CFAP299: variants seen among roughly 807,000 people sequenced by gnomAD.
CFAP299 encodes the protein cilia- and flagella-associated protein 299.
Under a neutral mutation model 27.0 loss-of-function variants are expected in CFAP299, and 21 were observed. The ratio of observed to expected loss-of-function variants is 0.78; its 90% CI spans 0.55 to 1.12. The LOEUF (loss-of-function observed/expected upper bound fraction) is 1.12. Ranked by LOEUF, CFAP299 falls within the 50% of genes most tolerant of loss-of-function variation. The pLI is 0.00. For synonymous variants in CFAP299, 104 were observed against 98.1 expected (o/e 1.06, Z -0.36); for missense variants, 310 against 276.6 (o/e 1.12, Z -0.86).
chr4:80,670,572 C>T (rs559037524), intron 3 of CFAP299, among the ~76,000 whole-genome samples: 1 of 152,146 alleles, frequency 6.6e-6, no homozygotes, highest in Admixed American at 6.5e-5. Flanking sequence ...ATGCTGTCTT[C>T]CACAATGGTT....
intron 2 of CFAP299, among the ~76,000 whole-genome samples, chr4:80,558,603 A>G (rs1396229554): frequency 4.0e-5 from 6 of 151,862 alleles, no homozygotes; most frequent in Admixed American, 3.9e-4. Context: ...CGTCAGGCAG[A>G]GATGATTTCA....
chr4:80,710,762 T>G (rs1722114130), intron 3 of CFAP299, among the ~76,000 whole-genome samples: 1 of 152,090 alleles, frequency 6.6e-6, no homozygotes, highest in African/African-American at 2.4e-5. Flanking sequence ...TTCTACTTTT[T>G]TTTACTCACT....
At chr4:80,450,917 G>C (rs1728872729) in intron 2 of CFAP299, among the ~76,000 whole-genome samples, 1 of 151,638 alleles carries the variant, frequency 6.6e-6, no homozygotes, top group African/African-American at 2.4e-5. Context: ...GTGTGAGAGA[G>C]AGAGAGAGAG....
intron 3 of CFAP299, among the ~76,000 whole-genome samples, chr4:80,782,618 A>AT (rs930565314): frequency 4.7e-5 from 5 of 105,712 alleles, no homozygotes; most frequent in African/African-American, 6.8e-5. Context: ...ATATTAATAT[A>AT]TAATATATTC....
intron 4 of CFAP299, among the ~76,000 whole-genome samples, chr4:80,900,003 A>G (rs1196841895): frequency 3.9e-5 from 6 of 152,128 alleles, no homozygotes; most frequent in Admixed American, 2.0e-4. Context: ...GGTGGTGGTA[A>G]CGGGTCAGAG....
In CFAP299 at chr4:80,374,670, C is replaced by G. The variant is rs968136668; in HGVS notation, c.242+11786C>G. Among the ~76,000 whole-genome samples the G allele has an allele frequency of 2.0e-5, 3 of 152,170 alleles. No individual in the cohort carries two copies. The East Asian group carries it at 5.8e-4, about 29-fold the overall frequency. On this transcript the variant is annotated intron_variant, in intron 2 of 5. Transcript: ENST00000358105. The stretch of plus-strand genomic sequence containing the variant: ...CTTGCCCCTGCTGAACATTTGACTG[C>G]CTTTGGAACTCATTCACTGTGACTG...
chr4:80,870,794 T>G, intron 4 of CFAP299: 1 of 985,234 alleles, frequency 1.0e-6, no homozygotes, highest in South Asian at 4.7e-5. Flanking sequence ...TCCACTGCTG[T>G]ATTCAGATCA....
intron 2 of CFAP299, among the ~76,000 whole-genome samples, chr4:80,365,861 A>G (rs1400352082): frequency 1.3e-5 from 2 of 152,240 alleles, no homozygotes. Flanking sequence ...TTTGTGTTTG[A>G]GGATCAAAGT....
intron 2 of CFAP299, among the ~76,000 whole-genome samples, chr4:80,577,243 G>C (rs71596016): frequency 0.12 from 18,544 of 152,120 alleles, 1,355 homozygotes; most frequent in South Asian, 0.23. Flanking sequence ...CTTCCTATTA[G>C]AGTTTATTTG....
intron 3 of CFAP299, among the ~76,000 whole-genome samples, chr4:80,615,273 G>T (rs1577935349): frequency 6.6e-6 from 1 of 152,040 alleles, no homozygotes; most frequent in African/African-American, 2.4e-5. Context: ...AGAAATCGCC[G>T]GCTATCTACT....
At chr4:80,760,362 G>A (rs1293224575) in intron 3 of CFAP299, among the ~76,000 whole-genome samples, 1 of 152,144 alleles carries the variant, frequency 6.6e-6, no homozygotes, top group Non-Finnish European at 1.5e-5. Context: ...AGGAAGAAGA[G>A]CTGGGCACAG....
intron 3 of CFAP299, among the ~76,000 whole-genome samples, chr4:80,729,334 T>A (rs1410416170): frequency 1.3e-5 from 2 of 152,124 alleles, no homozygotes; most frequent in Admixed American, 1.3e-4. Context: ...TGGCTCTCAA[T>A]GATCCACACC....
chr4:80,770,552 T>G (rs1031308981), intron 3 of CFAP299, among the ~76,000 whole-genome samples: 2 of 152,224 alleles, frequency 1.3e-5, no homozygotes, highest in Non-Finnish European at 2.9e-5. Context: ...AACTAATATT[T>G]CTGCTCTTCC....
At chr4:80,711,046 T>A (rs1014654555) in intron 3 of CFAP299, among the ~76,000 whole-genome samples, 1 of 152,208 alleles carries the variant, frequency 6.6e-6, no homozygotes, top group African/African-American at 2.4e-5. Flanking sequence ...CATTTGGCAC[T>A]AAGCCTCTGT....
At chr4:80,616,792 A>G (rs1482005379) in intron 3 of CFAP299, among the ~76,000 whole-genome samples, 1 of 152,190 alleles carries the variant, frequency 6.6e-6, no homozygotes, top group African/African-American at 2.4e-5. Context: ...TGAGCAGAAA[A>G]TAGAACATCT....
intron 3 of CFAP299, among the ~76,000 whole-genome samples, chr4:80,629,885 C>CCA (rs565070683): frequency 6.9e-6 from 1 of 144,978 alleles, no homozygotes; most frequent in Non-Finnish European, 1.5e-5. Flanking sequence ...AAAAAAAAAA[C>CCA]AAAAAAAACA....
At chr4:80,614,857 G>A (rs1738192844) in intron 3 of CFAP299, among the ~76,000 whole-genome samples, 2 of 152,146 alleles carry the variant, frequency 1.3e-5, no homozygotes, top group African/African-American at 4.8e-5. Context: ...GAACAGCAGA[G>A]AAAAACACAA....
chr4:80,429,905 A>G (rs745723178), intron 2 of CFAP299, among the ~76,000 whole-genome samples: 3 of 152,142 alleles, frequency 2.0e-5, no homozygotes, highest in Non-Finnish European at 4.4e-5. Context: ...AATAATCTGG[A>G]TGCTAAAGAG....
intron 2 of CFAP299, among the ~76,000 whole-genome samples, chr4:80,463,322 G>C (rs1379953752): frequency 6.6e-5 from 10 of 152,104 alleles, no homozygotes; most frequent in Admixed American, 6.5e-4. Flanking sequence ...AAGAATGAAT[G>C]CTGCAAAATT....
Sources: allele counts gnomAD v4.1 joint callset (sites outside exome capture counted in the v4.1 genomes callset), GRCh38; gene constraint gnomAD v4.1.1; transcripts MANE v1.5; gene names NCBI Gene and HGNC (gene_info 2026-07-23, HGNC 2026-07-21).